NRXN3: variants seen among roughly 807,000 people sequenced by gnomAD.
NRXN3 encodes neurexin III.
Under a neutral mutation model 137.6 loss-of-function variants are expected in NRXN3, and 32 were observed. The ratio of observed to expected loss-of-function variants is 0.23; its 90% CI spans 0.18 to 0.31. The LOEUF (loss-of-function observed/expected upper bound fraction) is 0.31, where lower values mean the gene tolerates loss of function less well. Among genes scored for constraint, NRXN3 ranks in the 10% least tolerant of loss-of-function variants. The pLI, the probability that NRXN3 is intolerant of heterozygous loss-of-function variation, is 1.00. For missense variants in NRXN3, 1,574 were observed against 2,062.5 expected, an observed-to-expected ratio of 0.76 and a Z score of 4.59; for synonymous variants, 798 against 784.5, an observed-to-expected ratio of 1.02 and a Z score of -0.29.
chr14:79,417,462 A>C (rs1283996999), intron 15 of NRXN3, among the ~76,000 whole-genome samples: 2 of 152,120 alleles, frequency 1.3e-5, no homozygotes, highest in Admixed American at 1.3e-4. Flanking sequence ...ATTATTGCTT[A>C]TATTTCTCCT....
intron 1 of NRXN3, among the ~76,000 whole-genome samples, chr14:78,176,012 A>G (rs1222860287): frequency 1.3e-5 from 2 of 152,188 alleles, no homozygotes; most frequent in Admixed American, 6.5e-5. Flanking sequence ...AGTGCGTAGG[A>G]CATTTCCTGA....
chr14:79,212,528 A>G (rs900436706), intron 15 of NRXN3, among the ~76,000 whole-genome samples: 1 of 152,168 alleles, frequency 6.6e-6, no homozygotes, highest in Non-Finnish European at 1.5e-5. Context: ...CCCTGTTCCC[A>G]TCTGCTCCTG....
intron 15 of NRXN3, among the ~76,000 whole-genome samples, chr14:79,194,247 G>A (rs1436053312): frequency 3.3e-5 from 5 of 152,088 alleles, no homozygotes; most frequent in Non-Finnish European, 7.4e-5. Context: ...AGGTTATTTC[G>A]AATGATGGCA....
At chr14:78,671,009 GA>G (rs1255088574) in intron 6 of NRXN3, among the ~76,000 whole-genome samples, 1 of 152,148 alleles carries the variant, frequency 6.6e-6, no homozygotes. Flanking sequence ...TGAAATTGAT[GA>G]GATCAGTTAA....
intron 1 of NRXN3, among the ~76,000 whole-genome samples, chr14:78,227,842 T>C (rs1400323323): frequency 6.6e-6 from 1 of 152,198 alleles, no homozygotes; most frequent in East Asian, 1.9e-4. Flanking sequence ...CCAGGAAAAC[T>C]GGGATGACAG....
At chr14:79,376,317 C>T (rs1183274818) in intron 15 of NRXN3, among the ~76,000 whole-genome samples, 1 of 144,022 alleles carries the variant, frequency 6.9e-6, no homozygotes, top group Non-Finnish European at 1.5e-5. Flanking sequence ...TGTGTCACTT[C>T]CTTGACCCAT....
At chr14:79,750,688 G>T (rs1029411769) in intron 19 of NRXN3, among the ~76,000 whole-genome samples, 1 of 152,114 alleles carries the variant, frequency 6.6e-6, no homozygotes, top group Admixed American at 6.6e-5. Flanking sequence ...ATGCCATCTT[G>T]TCTTATTGAC....
intron 15 of NRXN3, among the ~76,000 whole-genome samples, chr14:79,410,442 A>G (rs2095400299): frequency 6.6e-6 from 1 of 151,060 alleles, no homozygotes; most frequent in Non-Finnish European, 1.5e-5. Flanking sequence ...ATTAATTTAT[A>G]TTGTCAATAA....
chr14:78,367,732 G>A (rs1419169522), intron 4 of NRXN3, among the ~76,000 whole-genome samples: 3 of 152,156 alleles, frequency 2.0e-5, no homozygotes, highest in Non-Finnish European at 4.4e-5. Context: ...TGCCTTGGGA[G>A]CTCCTTGGCA....
intron 19 of NRXN3, among the ~76,000 whole-genome samples, chr14:79,715,521 T>C (rs537732017): frequency 1.2e-4 from 18 of 152,288 alleles, no homozygotes; most frequent in African/African-American, 3.6e-4. Flanking sequence ...GTGAAGGTGG[T>C]GGCAGGGAAT....
At chr14:79,299,648 A>T (rs1937989466) in intron 15 of NRXN3, among the ~76,000 whole-genome samples, 1 of 152,128 alleles carries the variant, frequency 6.6e-6, no homozygotes, top group South Asian at 2.1e-4. Flanking sequence ...CAAAAAACTT[A>T]GTAAAGAATC....
intron 16 of NRXN3, among the ~76,000 whole-genome samples, chr14:79,540,538 CT>C (rs2097262717): frequency 1.3e-5 from 2 of 152,328 alleles, no homozygotes; most frequent in South Asian, 4.1e-4. Context: ...CTCCATTTAA[CT>C]GTAACTTTGT....
chr14:78,959,287 C>A (rs2099403486), intron 11 of NRXN3, among the ~76,000 whole-genome samples: 1 of 152,088 alleles, frequency 6.6e-6, no homozygotes, highest in Non-Finnish European at 1.5e-5. Context: ...TTCACTATAG[C>A]CTTTAAAGGT....
At chr14:78,311,704 T>C (rs2077998409) in intron 4 of NRXN3, among the ~76,000 whole-genome samples, 1 of 151,942 alleles carries the variant, frequency 6.6e-6, no homozygotes, top group Non-Finnish European at 1.5e-5. Context: ...ATAAAACCTG[T>C]TCTTTCTTAG....
chr14:79,788,817 T>G (rs2099137056), intron 19 of NRXN3, among the ~76,000 whole-genome samples: 1 of 152,198 alleles, frequency 6.6e-6, no homozygotes, highest in Non-Finnish European at 1.5e-5. Flanking sequence ...CATTTTATTT[T>G]TCAGCCTTGG....
chr14:79,323,004 C>T (rs1200914345), intron 15 of NRXN3, among the ~76,000 whole-genome samples: 1 of 152,112 alleles, frequency 6.6e-6, no homozygotes, highest in Non-Finnish European at 1.5e-5. Flanking sequence ...AGGGCTATAA[C>T]ATCTGTTGCA....
chr14:79,085,197 C>T (rs143304358), intron 15 of NRXN3, among the ~76,000 whole-genome samples: 28 of 152,086 alleles, frequency 1.8e-4, no homozygotes, highest in African/African-American at 4.6e-4. Flanking sequence ...GGTTTTTGTT[C>T]GAAGTTTTAA....
chr14:78,922,761 T>A (rs941740391), intron 10 of NRXN3, among the ~76,000 whole-genome samples: 6 of 152,128 alleles, frequency 3.9e-5, no homozygotes, highest in Admixed American at 1.3e-4. Context: ...TGGGGCTTAA[T>A]ACCTAGGTGA....
intron 4 of NRXN3, among the ~76,000 whole-genome samples, chr14:78,339,535 G>A (rs1331829766): frequency 6.6e-6 from 1 of 152,140 alleles, no homozygotes; most frequent in Non-Finnish European, 1.5e-5. Context: ...AGCCATAAGT[G>A]TGAGGAGAAA....
Sources: gnomAD v4.1 joint callset for allele counts (sites outside exome capture counted in the v4.1 genomes callset) on GRCh38, gnomAD v4.1.1 for gene constraint, MANE v1.5 for transcripts, NCBI Gene and HGNC (gene_info 2026-07-23, HGNC 2026-07-21) for gene names.